Variants in ZKSCAN3 observed in about 807,000 individuals in gnomAD.
The protein encoded by ZKSCAN3 is zinc finger protein with KRAB and SCAN domains 3.
In ZKSCAN3, 21 loss-of-function variants were observed where a neutral mutation model predicts 30.7. That is an observed-to-expected ratio of 0.68 (90% confidence interval 0.49 to 0.99). The LOEUF (loss-of-function observed/expected upper bound fraction) is 0.99. ZKSCAN3 is among the 50% of genes least tolerant of loss of function. The pLI is 0.00. For synonymous variants in ZKSCAN3, 201 were observed against 246.7 expected (o/e 0.81, Z 1.73); for missense variants, 507 against 647.1 (o/e 0.78, Z 2.35).
At position 28,358,899 on chromosome 6, in the gene ZKSCAN3, GAAAAAAAAA is replaced by G. The variant is rs201554097; in HGVS notation, c.-62-609_-62-601del. Among the ~76,000 whole-genome samples the G allele has an allele frequency of 5.0e-3, 534 of 106,064 alleles. 1 individual carries two copies. Among genetic ancestry groups the G allele is most frequent in the East Asian group, 0.02 (77 of 3,878 alleles). The allele number at this position is 106,064 out of a possible 152,430, so 69.6% of individuals were successfully genotyped here. ...ACTCTGTCTCAAAACAAACAAATAA[GAAAAAAAAA>G]AAAAAAAAAAAAAAAATCAGCTTAT... On this transcript the variant is annotated intron_variant, in intron 1 of 5. Coordinates refer to ENST00000252211, the MANE Select transcript of ZKSCAN3 (RefSeq NM_024493.4).
At position 28,361,979 on chromosome 6, in the gene ZKSCAN3, T is replaced by C. The variant is rs149377804; in HGVS notation, c.550+508T>C. Among the ~76,000 whole-genome samples, 7 of 152,290 alleles carry C rather than the reference T, an allele frequency of 4.6e-5. No individual in the cohort carries two copies. In the East Asian group the frequency reaches 1.4e-3, roughly 29 times the overall value. The stretch of plus-strand genomic sequence containing the variant: ...CGCCTGGCTAGGTTTTAAAAACTTT[T>C]TTGTGGATTTGAGGTCTCACCATGT... On this transcript the variant is annotated intron_variant, in intron 3 of 5. Coordinates refer to ENST00000252211, the MANE Select transcript of ZKSCAN3 (RefSeq NM_024493.4).
intron 2 of ZKSCAN3, chr6:28,360,784 G>A (rs1446063844): frequency 1.0e-6 from 1 of 983,580 alleles, no homozygotes; most frequent in Non-Finnish European, 1.2e-6. Flanking sequence ...TATAAAGGAT[G>A]TGGGAAATTC....
In ZKSCAN3 at chr6:28,363,295, CTTCT is replaced by C. The variant is rs766429242; in HGVS notation, c.551-6_551-3del. On this transcript the variant is annotated splice_polypyrimidine_tract_variant and splice_region_variant and intron_variant, in intron 3 of 5. Coordinates refer to ENST00000252211, the MANE Select transcript of ZKSCAN3 (RefSeq NM_024493.4). Reference sequence around the variant, plus strand: ...GTACATCTCATCCAGAGCTTCTTTCCTTCTTAGTTCTCCAGGTCCCCGTGCTTGC... The same window carrying C: ...GTACATCTCATCCAGAGCTTCTTTCCTAGTTCTCCAGGTCCCCGTGCTTGC... 5 of 1,613,584 alleles carry C rather than the reference CTTCT, an allele frequency of 3.1e-6. 1 individual carries two copies. The South Asian group carries it at 5.5e-5, about 18-fold the overall frequency.
At chr6:28,361,672 T>C (rs1215076937) in intron 3 of ZKSCAN3, among the ~76,000 whole-genome samples, 1 of 152,172 alleles carries the variant, frequency 6.6e-6, no homozygotes, top group Non-Finnish European at 1.5e-5. Flanking sequence ...AATAAGATAT[T>C]AGTAAAACTT....
intron 1 of ZKSCAN3, among the ~76,000 whole-genome samples, chr6:28,352,486 C>G (rs767329233): frequency 5.9e-5 from 9 of 152,090 alleles, no homozygotes; most frequent in Non-Finnish European, 1.2e-4. Flanking sequence ...CTCCTGACCC[C>G]AGGAAATCTG....
chr6:28,365,390 G>T lies in ZKSCAN3; in HGVS notation c.758-36G>T, dbSNP rs776365273. The T allele has an allele frequency of 3.2e-6, 5 of 1,575,742 alleles. No individual in the cohort carries two copies. In the African/African-American group the frequency reaches 6.8e-5, roughly 21 times the overall value. On this transcript the variant is annotated intron_variant, in intron 5 of 5. Coordinates refer to ENST00000252211, the MANE Select transcript of ZKSCAN3 (RefSeq NM_024493.4). ...CTCATCACAGAGCTTTCCTTCCATGGCATAAGCCACAGTTGCCAGTTATTT... is the reference window on the plus strand; with the variant it reads ...CTCATCACAGAGCTTTCCTTCCATGTCATAAGCCACAGTTGCCAGTTATTT...
intron 2 of ZKSCAN3, among the ~76,000 whole-genome samples, chr6:28,360,301 A>T (rs1765694943): frequency 6.6e-6 from 1 of 152,200 alleles, no homozygotes; most frequent in Non-Finnish European, 1.5e-5. Context: ...CAGGGCTTAT[A>T]ACTGGCAATT....
At chr6:28,360,139 C>A in intron 2 of ZKSCAN3, 151 bp downstream of exon 2, 3 of 1,377,046 alleles carry the variant, frequency 2.2e-6, no homozygotes, top group Non-Finnish European at 3.0e-6. Flanking sequence ...AGTCCCTGGA[C>A]TCCTTCTCAG....
At chr6:28,355,053 C>T (rs925656286) in intron 1 of ZKSCAN3, among the ~76,000 whole-genome samples, 1 of 152,122 alleles carries the variant, frequency 6.6e-6, no homozygotes, top group African/African-American at 2.4e-5. Flanking sequence ...GCAGTAGCAC[C>T]CTGGCTAGAC....
intron 1 of ZKSCAN3, among the ~76,000 whole-genome samples, chr6:28,357,685 T>A (rs887520633): frequency 6.6e-6 from 1 of 152,150 alleles, no homozygotes; most frequent in African/African-American, 2.4e-5. Flanking sequence ...GACTAAGGAC[T>A]TTCTTTCAAG....
rs1765303869 is a variant in ZKSCAN3 at position 28,354,653 on chromosome 6, C to T, written c.-63+4586C>T. On this transcript the variant is annotated intron_variant, in intron 1 of 5. Transcript: ENST00000252211. ...AGCAATAATTTCAGGTTATAGTGAG[C>T]AATCACTACATGGTGATGTTACCCC... is the stretch of plus-strand genomic sequence containing the variant. 2.6e-5 allele frequency among the ~76,000 whole-genome samples: 4 copies of T among 152,234 alleles called. No individual in the cohort carries two copies. The South Asian group carries it at 8.3e-4, about 31-fold the overall frequency.
intron 1 of ZKSCAN3, chr6:28,353,719 T>C (rs1447326050): frequency 2.4e-6 from 1 of 415,726 alleles, no homozygotes; most frequent in Non-Finnish European, 4.9e-6. Context: ...AGTTAAAACC[T>C]TGCGAGTGAT....
chr6:28,353,427 C>A (rs1765192571), intron 1 of ZKSCAN3: 1 of 160,204 alleles, frequency 6.2e-6, no homozygotes, highest in Non-Finnish European at 1.4e-5. Flanking sequence ...TAGATCAGGC[C>A]CAGGTCTCAT....
At chr6:28,360,178 C>T in intron 2 of ZKSCAN3, 190 bp downstream of exon 2, 2 of 1,004,538 alleles carry the variant, frequency 2.0e-6, no homozygotes. Context: ...ATACATAAAC[C>T]ATAAAGGATT....
intron 5 of ZKSCAN3, among the ~76,000 whole-genome samples, chr6:28,364,637 C>A (rs1765885895): frequency 6.6e-6 from 1 of 152,216 alleles, no homozygotes; most frequent in South Asian, 2.1e-4. Flanking sequence ...GGGACCCTGC[C>A]TCTGCCTGGG....
Position 28,366,169 on chromosome 6 carries a change from A to C in ZKSCAN3, c.1501A>C (p.Ile501Leu), listed in dbSNP as rs1320220338. The change falls in exon 6 of 6, where the codon ATC (isoleucine) becomes CTC (leucine). Residue 501 changes from isoleucine to leucine, a missense_variant. Coordinates refer to ENST00000252211, the MANE Select transcript of ZKSCAN3 (RefSeq NM_024493.4). ...TACAGGCCTCATTGAACATCAAAAA[A>C]TCCACACTGGTGAGAAACCCTATCA... ...QNTGLIEHQK[I>L]HTGEKPYQCN... The C allele has an allele frequency of 8.7e-6, 14 of 1,610,330 alleles. No individual in the cohort carries two copies. The highest frequency in any genetic ancestry group is 1.1e-5 in the Non-Finnish European group (13 of 1,178,666).
Position 28,359,932 on chromosome 6 carries a change from G to A in ZKSCAN3, c.346G>A (p.Glu116Lys), listed in dbSNP as rs1481253171. Reference sequence around the variant, plus strand: ...GGAGCAGCATCCAGAGAGCGGGGAGGAGGTGGTGGTGCTATTGGAGTATTT... The same window carrying A: ...GGAGCAGCATCCAGAGAGCGGGGAGAAGGTGGTGGTGCTATTGGAGTATTT... ...VREQHPESGE[E>K]VVVLLEYLER... The change falls in exon 2 of 6, where the codon GAG becomes AAG. Residue 116 changes from glutamate to lysine, a missense_variant. Coordinates refer to ENST00000252211, the MANE Select transcript of ZKSCAN3 (RefSeq NM_024493.4). 20 of 1,614,016 alleles carry A rather than the reference G, an allele frequency of 1.2e-5. No individual in the cohort carries two copies. Among genetic ancestry groups the A allele is most frequent in the Non-Finnish European group, 1.7e-5 (20 of 1,180,014 alleles).
chr6:28,365,890 A>T lies in ZKSCAN3; in HGVS notation c.1222A>T (p.Ser408Cys). 2 of 1,613,478 alleles carry T rather than the reference A, an allele frequency of 1.2e-6. No homozygotes were observed. The highest frequency in any genetic ancestry group is 1.7e-6 in the Non-Finnish European group (2 of 1,179,624). Reference sequence around the variant, plus strand: ...GTGTGATGACTGTGGGAAGACCTTCAGCCAGAGCTGCAGCCTCCTTGAACA... The same window carrying T: ...GTGTGATGACTGTGGGAAGACCTTCTGCCAGAGCTGCAGCCTCCTTGAACA... Reference protein sequence around the residue: ...YECDDCGKTFSQSCSLLEHHR... With the variant: ...YECDDCGKTFCQSCSLLEHHR... The change falls in exon 6 of 6, where the codon AGC becomes TGC. Residue 408 changes from serine to cysteine, a missense_variant. Physicochemically the swap from Ser to Cys is moderately radical, Grantham distance 112. Transcript: ENST00000252211.
At chr6:28,365,342 CTG>C (rs897517486) in intron 5 of ZKSCAN3, 82 bp from the exon 6 acceptor site, 1 of 1,520,030 alleles carries the variant, frequency 6.6e-7, no homozygotes, top group African/African-American at 1.4e-5. Context: ...TTATAGACCT[CTG>C]TAATTCTTGC....
Sources: allele counts gnomAD v4.1 joint callset (sites outside exome capture counted in the v4.1 genomes callset), GRCh38; gene constraint gnomAD v4.1.1; transcripts MANE v1.5; gene names NCBI Gene and HGNC (gene_info 2026-07-23, HGNC 2026-07-21).